ERC2: variants seen among roughly 807,000 people sequenced by gnomAD.
ERC2 encodes the protein ELKS/RAB6-interacting/CAST family member 2, also known as ERC protein 2.
In ERC2, 42 loss-of-function variants were observed where a neutral mutation model predicts 114.8. The ratio of observed to expected loss-of-function variants is 0.37; its 90% CI spans 0.29 to 0.47. The LOEUF is 0.47. Ranked by LOEUF, ERC2 falls within the 20% of genes least tolerant of loss-of-function variation. The pLI is 0.99. For missense variants in ERC2, 939 were observed against 1,150.7 expected (o/e 0.82, Z 2.66); for synonymous variants, 454 against 425.5 (o/e 1.07, Z -0.82).
chr3:55,864,381 A>G (rs1014524955), intron 14 of ERC2, among the ~76,000 whole-genome samples: 1 of 151,556 alleles, frequency 6.6e-6, no homozygotes, highest in African/African-American at 2.4e-5. Context: ...ACAAATAAAT[A>G]TTTTAACCCA....
intron 2 of ERC2, among the ~76,000 whole-genome samples, chr3:56,301,042 A>G (rs2055840308): frequency 6.6e-6 from 1 of 152,218 alleles, no homozygotes; most frequent in Admixed American, 6.5e-5. Flanking sequence ...TGAGGCCAGG[A>G]GCTCAAGACT....
chr3:56,060,532 G>A (rs980495059), intron 7 of ERC2, among the ~76,000 whole-genome samples: 2 of 152,222 alleles, frequency 1.3e-5, no homozygotes, highest in African/African-American at 4.8e-5. Context: ...TACACATTCT[G>A]TCTTTCATCT....
chr3:55,762,630 AG>A (rs1414036978), intron 14 of ERC2, among the ~76,000 whole-genome samples: 39 of 152,344 alleles, frequency 2.6e-4, no homozygotes, highest in African/African-American at 9.4e-4. Context: ...GAAGAAACGA[AG>A]GGACCCAGAC....
At chr3:55,977,270 T>C (rs1274560253) in intron 12 of ERC2, among the ~76,000 whole-genome samples, 2 of 152,132 alleles carry the variant, frequency 1.3e-5, no homozygotes, top group Admixed American at 6.5e-5. Context: ...TCAGAAGACA[T>C]AAAAGAGATG....
intron 17 of ERC2, among the ~76,000 whole-genome samples, chr3:55,626,215 C>A (rs1320699652): frequency 6.6e-6 from 1 of 152,148 alleles, no homozygotes; most frequent in African/African-American, 2.4e-5. Flanking sequence ...TGGCCCTGAG[C>A]ATGCCAGCCT....
At chr3:56,086,231 A>AT (rs2149773007) in intron 6 of ERC2, among the ~76,000 whole-genome samples, 2 of 152,266 alleles carry the variant, frequency 1.3e-5, no homozygotes, top group African/African-American at 4.8e-5. Context: ...CCCAGAAGAG[A>AT]TAAAAAACAA....
intron 2 of ERC2, among the ~76,000 whole-genome samples, chr3:56,326,510 C>A (rs2057368975): frequency 6.6e-6 from 1 of 152,186 alleles, no homozygotes; most frequent in African/African-American, 2.4e-5. Context: ...CAACAGAACC[C>A]TCTCTAAAGC....
At chr3:55,767,099 G>T (rs2067852012) in intron 14 of ERC2, among the ~76,000 whole-genome samples, 1 of 152,178 alleles carries the variant, frequency 6.6e-6, no homozygotes, top group Non-Finnish European at 1.5e-5. Context: ...CTAGGCAAAG[G>T]TCTTGCTGCA....
intron 6 of ERC2, among the ~76,000 whole-genome samples, chr3:56,138,538 T>C (rs1467497700): frequency 6.6e-6 from 1 of 152,208 alleles, no homozygotes; most frequent in East Asian, 1.9e-4. Context: ...CTGGACACTG[T>C]CGTGCACCTT....
intron 14 of ERC2, among the ~76,000 whole-genome samples, chr3:55,836,602 T>G (rs2060896413): frequency 6.6e-6 from 1 of 152,110 alleles, no homozygotes. Flanking sequence ...CCAAAATTAA[T>G]TCAAGATGGA....
At chr3:56,244,402 T>A (rs2051533945) in intron 3 of ERC2, among the ~76,000 whole-genome samples, 1 of 152,178 alleles carries the variant, frequency 6.6e-6, no homozygotes, top group Admixed American at 6.5e-5. Flanking sequence ...GTAAATTTTT[T>A]AAAATTTAAC....
At chr3:55,750,599 C>G (rs1307963414) in intron 14 of ERC2, among the ~76,000 whole-genome samples, 1 of 152,054 alleles carries the variant, frequency 6.6e-6, no homozygotes, top group Non-Finnish European at 1.5e-5. Flanking sequence ...AATGGAAGGG[C>G]TCTGGAAGGA....
intron 3 of ERC2, among the ~76,000 whole-genome samples, chr3:56,211,191 T>C (rs1343249053): frequency 6.6e-6 from 1 of 152,168 alleles, no homozygotes; most frequent in Non-Finnish European, 1.5e-5. Flanking sequence ...ACTGTATACC[T>C]GGAAAACCCT....
At chr3:56,093,528 G>C (rs535330274) in intron 6 of ERC2, among the ~76,000 whole-genome samples, 8 of 152,066 alleles carry the variant, frequency 5.3e-5, no homozygotes, top group Non-Finnish European at 8.8e-5. Flanking sequence ...CATACCACTA[G>C]TTCAGGCCTC....
At chr3:55,890,323 T>C (rs934947926) in intron 13 of ERC2, among the ~76,000 whole-genome samples, 31 of 152,208 alleles carry the variant, frequency 2.0e-4, no homozygotes, top group Admixed American at 1.5e-3. Context: ...CCAATTCAGA[T>C]AGTCTGCCTG....
chr3:55,952,674 C>A (rs1360704718), intron 12 of ERC2, among the ~76,000 whole-genome samples: 1 of 152,092 alleles, frequency 6.6e-6, no homozygotes, highest in Non-Finnish European at 1.5e-5. Context: ...CTTTAGAATA[C>A]AGTGTTAAAT....
Position 56,333,534 on chromosome 3 carries a change from A to C in ERC2, c.658-37099T>G, listed in dbSNP as rs150508338. Reference sequence around the variant, plus strand: ...TTCAAAACTAAACAAATACTATCAAAATAATTTGTCTAAAAATAATTGTTA... The same window carrying C: ...TTCAAAACTAAACAAATACTATCAACATAATTTGTCTAAAAATAATTGTTA... On this transcript the variant is annotated intron_variant, in intron 2 of 17. Transcript: ENST00000288221. Among the ~76,000 whole-genome samples the C allele has an allele frequency of 2.3e-3, 357 of 152,290 alleles. 1 individual carries two copies. The highest frequency in any genetic ancestry group is 8.2e-3 in the African/African-American group (342 of 41,560).
chr3:56,457,951 C>T (rs1190275929), intron 1 of ERC2, among the ~76,000 whole-genome samples: 14 of 152,172 alleles, frequency 9.2e-5, no homozygotes, highest in Non-Finnish European at 1.8e-4. Flanking sequence ...TCCATTATTG[C>T]CTGCTTACTT....
chr3:55,919,214 A>G (rs1191603267), intron 13 of ERC2, among the ~76,000 whole-genome samples: 3 of 152,110 alleles, frequency 2.0e-5, no homozygotes, highest in Non-Finnish European at 2.9e-5. Context: ...CCTTATCTCT[A>G]CAAAAAGTTT....
Sources: gnomAD v4.1 joint callset for allele counts (sites outside exome capture counted in the v4.1 genomes callset) on GRCh38, gnomAD v4.1.1 for gene constraint, MANE v1.5 for transcripts, NCBI Gene and HGNC (gene_info 2026-07-23, HGNC 2026-07-21) for gene names.